HEMK2: variants seen among roughly 807,000 people sequenced by gnomAD.
The protein encoded by HEMK2 is HemK methyltransferase 2, ETF1 glutamine and histone H4 lysine.
the HEMK2 span, among the ~76,000 whole-genome samples, chr21:28,752,843 G>A: frequency 6.6e-6 from 1 of 152,180 alleles, no homozygotes; most frequent in African/African-American, 2.4e-5. Context: ...GTGAAGCCAG[G>A]AGCACCCCAC....
At chr21:28,879,775 G>T in the HEMK2 span, 2 of 896,138 alleles carry the variant, frequency 2.2e-6, no homozygotes, top group Non-Finnish European at 1.6e-6. Context: ...GTCTGTGATA[G>T]CAGCAGCTGA....
chr21:28,835,880 G>T, the HEMK2 span, among the ~76,000 whole-genome samples: 1 of 151,738 alleles, frequency 6.6e-6, no homozygotes, highest in African/African-American at 2.4e-5. Context: ...ACAAGTAGAA[G>T]AAAGAAATTC....
At chr21:28,608,182 A>G in the HEMK2 span, among the ~76,000 whole-genome samples, 1 of 152,178 alleles carries the variant, frequency 6.6e-6, no homozygotes, top group Non-Finnish European at 1.5e-5. Flanking sequence ...ACATGAAAGA[A>G]CAGTTCTGGA....
At chr21:28,809,547 C>T in the HEMK2 span, among the ~76,000 whole-genome samples, 1 of 152,116 alleles carries the variant, frequency 6.6e-6, no homozygotes, top group South Asian at 2.1e-4. Context: ...TTTTGCAAAG[C>T]CAAATAAATA....
chr21:28,580,164 G>C, the HEMK2 span, among the ~76,000 whole-genome samples: 1 of 152,184 alleles, frequency 6.6e-6, no homozygotes, highest in Non-Finnish European at 1.5e-5. Context: ...AACTGAGCTG[G>C]TGGGAAGCAG....
At chr21:28,862,894 C>T in the HEMK2 span, among the ~76,000 whole-genome samples, 18 of 152,204 alleles carry the variant, frequency 1.2e-4, no homozygotes, top group Middle Eastern at 3.4e-3. Context: ...GGGATTGGTG[C>T]GTTTCTGGTT....
chr21:28,836,636 T>C, the HEMK2 span, among the ~76,000 whole-genome samples: 4 of 152,044 alleles, frequency 2.6e-5, no homozygotes, highest in Admixed American at 2.6e-4. Flanking sequence ...AAGAGCACAA[T>C]GAATGCAATG....
chr21:28,768,698 T>C, the HEMK2 span, among the ~76,000 whole-genome samples: 1 of 152,008 alleles, frequency 6.6e-6, no homozygotes, highest in Non-Finnish European at 1.5e-5. Flanking sequence ...AGTTTCTTGA[T>C]GGATTGAAGG....
the HEMK2 span, among the ~76,000 whole-genome samples, chr21:28,787,422 A>G: frequency 2.5e-5 from 2 of 81,100 alleles, no homozygotes; most frequent in Admixed American, 3.1e-4. Flanking sequence ...CAGAGTAAAC[A>G]GACAACCCAC....
At chr21:28,603,108 C>G in the HEMK2 span, among the ~76,000 whole-genome samples, 1 of 152,174 alleles carries the variant, frequency 6.6e-6, no homozygotes, top group Non-Finnish European at 1.5e-5. Context: ...CACACTGAGG[C>G]TTAACCCACA....
chr21:28,724,600 T>C, the HEMK2 span, among the ~76,000 whole-genome samples: 2 of 152,192 alleles, frequency 1.3e-5, no homozygotes, highest in Non-Finnish European at 2.9e-5. Flanking sequence ...GGGTTCCTTA[T>C]AGTTCCTGAT....
the HEMK2 span, among the ~76,000 whole-genome samples, chr21:28,619,674 G>T: frequency 6.6e-6 from 1 of 152,130 alleles, no homozygotes; most frequent in Non-Finnish European, 1.5e-5. Context: ...TGGAGAGACT[G>T]CATTTTTGTT....
At chr21:28,702,291 T>C in the HEMK2 span, among the ~76,000 whole-genome samples, 4 of 138,852 alleles carry the variant, frequency 2.9e-5, no homozygotes, top group Non-Finnish European at 4.5e-5. Context: ...ATGACAAAGA[T>C]GCCAAAAGCT....
chr21:28,675,304 C>A, the HEMK2 span, among the ~76,000 whole-genome samples: 1 of 152,208 alleles, frequency 6.6e-6, no homozygotes, highest in East Asian at 1.9e-4. Flanking sequence ...TGGATCAATC[C>A]TAAAAGATAA....
At chr21:28,882,011 A>C in the HEMK2 span, 11 of 477,362 alleles carry the variant, frequency 2.3e-5, no homozygotes, top group Admixed American at 2.5e-4. Flanking sequence ...GAATTGTGGA[A>C]AAGGTGGATT....
the HEMK2 span, among the ~76,000 whole-genome samples, chr21:28,737,285 G>C: frequency 0.23 from 34,736 of 151,964 alleles, 4,604 homozygotes; most frequent in African/African-American, 0.35. Context: ...CCACCCCACC[G>C]AGGTAAGTTT....
At chr21:28,853,561 T>C in the HEMK2 span, among the ~76,000 whole-genome samples, 1 of 152,192 alleles carries the variant, frequency 6.6e-6, no homozygotes, top group South Asian at 2.1e-4. Flanking sequence ...AAGGGCCTAC[T>C]GGGACTTTAG....
chr21:28,845,594 T>C, the HEMK2 span, among the ~76,000 whole-genome samples: 1 of 152,122 alleles, frequency 6.6e-6, no homozygotes, highest in African/African-American at 2.4e-5. Context: ...TTATTTTCTT[T>C]CAGTAAGATT....
At chr21:28,759,078 A>T in the HEMK2 span, among the ~76,000 whole-genome samples, 1 of 152,346 alleles carries the variant, frequency 6.6e-6, no homozygotes, top group East Asian at 1.9e-4. Context: ...CTTTCTGGGC[A>T]TGCAATCTGT....
Sources: allele counts gnomAD v4.1 joint callset (sites outside exome capture counted in the v4.1 genomes callset), GRCh38; gene constraint gnomAD v4.1.1; transcripts MANE v1.5; gene names NCBI Gene and HGNC (gene_info 2026-07-23, HGNC 2026-07-21).